Variants in FGF12 observed in about 807,000 individuals in gnomAD.
FGF12 encodes the protein fibroblast growth factor 12.
Under a neutral mutation model 23.6 loss-of-function variants are expected in FGF12, and 14 were observed. That is an observed-to-expected ratio of 0.59 (90% CI 0.39 to 0.93). FGF12 has a LOEUF of 0.93. Among genes scored for constraint, FGF12 ranks in the 40% least tolerant of loss-of-function variants. The pLI is 0.00. For synonymous variants in FGF12, 62 were observed against 77.3 expected (o/e 0.80, Z 1.04); for missense variants, 175 against 217.8 (o/e 0.80, Z 1.24).
intron 4 of FGF12, 73 bp from the exon 5 acceptor site, chr3:192,170,729 A>G (rs1715511064): frequency 7.8e-7 from 1 of 1,288,792 alleles, no homozygotes; most frequent in South Asian, 1.4e-5. Flanking sequence ...CTTAAATCCA[A>G]TAAGCTTGAA....
In FGF12 at chr3:192,360,796, C is replaced by A. The variant is rs1005198055; in HGVS notation, c.14-258G>T. 6.5e-6 allele frequency: 3 copies of A among 460,362 alleles called. No homozygotes were observed. The highest frequency in any genetic ancestry group is 1.2e-5 in the Non-Finnish European group (3 of 253,646). The allele number at this position is 460,362 out of a possible 1,614,324, so 28.5% of individuals were successfully genotyped here. A position where few individuals can be genotyped will look rare whatever the true frequency, so the allele number is the denominator to read the frequency against. Reference sequence around the variant, plus strand: ...ATGATTGGGAAAATACAGAGACATGCTAAAAAGTGAGTTATTTTCCTCCTT... The same window carrying A: ...ATGATTGGGAAAATACAGAGACATGATAAAAAGTGAGTTATTTTCCTCCTT... On this transcript the variant is annotated intron_variant, in intron 2 of 5. Coordinates refer to ENST00000445105, the MANE Select transcript of FGF12 (RefSeq NM_004113.6). The surrounding 1 kb of genome is among the most constrained non-coding windows in gnomAD (Gnocchi z 4.3).
intron 4 of FGF12, among the ~76,000 whole-genome samples, chr3:192,321,990 A>C (rs1577351746): frequency 6.6e-6 from 1 of 152,280 alleles, no homozygotes; most frequent in Middle Eastern, 3.4e-3. Flanking sequence ...AAGAGAAAGA[A>C]ATAAAAAGCA....
chr3:192,571,121 T>C (rs1712616352), intron 2 of FGF12, among the ~76,000 whole-genome samples: 2 of 152,220 alleles, frequency 1.3e-5, no homozygotes. Context: ...ATAAACATCT[T>C]CCATTAAACT....
At chr3:192,278,254 T>C (rs957400878) in intron 4 of FGF12, among the ~76,000 whole-genome samples, 14 of 152,170 alleles carry the variant, frequency 9.2e-5, no homozygotes, top group East Asian at 3.8e-4. Context: ...CCAGAAAATA[T>C]AGAAATCTGA....
chr3:192,333,340 C>A (rs1247124631), intron 4 of FGF12, among the ~76,000 whole-genome samples: 1 of 152,018 alleles, frequency 6.6e-6, no homozygotes, highest in African/African-American at 2.4e-5. Flanking sequence ...ATATAGTCTA[C>A]ATTTAGCTGC....
intron 4 of FGF12, among the ~76,000 whole-genome samples, chr3:192,306,125 T>G (rs1715638298): frequency 6.6e-6 from 1 of 152,100 alleles, no homozygotes; most frequent in African/African-American, 2.4e-5. Context: ...GGTTTTTATG[T>G]GGATCCAGTG....
At chr3:192,501,352 AT>A (rs1270342742) in intron 2 of FGF12, among the ~76,000 whole-genome samples, 2 of 152,206 alleles carry the variant, frequency 1.3e-5, no homozygotes, top group Non-Finnish European at 2.9e-5. Flanking sequence ...TTTTAGGTGT[AT>A]TGGTGTTTGT....
At chr3:192,630,394 T>G (rs1218508160) in intron 2 of FGF12, among the ~76,000 whole-genome samples, 6 of 151,980 alleles carry the variant, frequency 3.9e-5, no homozygotes, top group East Asian at 3.9e-4. Flanking sequence ...ATTATTAATA[T>G]AGAGAAATGC....
rs34906808 is a variant in FGF12, at chr3:192,653,720, C to CTTTTTTTTT, written c.13+73452_13+73460dup. ...TTCAATATATATTCCTCATTTGAGG[C>CTTTTTTTTT]TTTTTTTTTTTTGAGACGGAATCAT... On this transcript the variant is annotated intron_variant, in intron 2 of 5. Coordinates refer to ENST00000445105, the MANE Select transcript of FGF12 (RefSeq NM_004113.6). Among the ~76,000 whole-genome samples the CTTTTTTTTT allele has an allele frequency of 1.3e-3, 187 of 140,872 alleles. 2 individuals carry two copies. Among genetic ancestry groups the CTTTTTTTTT allele is most frequent in the African/African-American group, 3.7e-3 (142 of 38,044 alleles). 92.4% of individuals were successfully genotyped at this position (140,872 alleles called of 152,430 possible). A position where few individuals can be genotyped will look rare whatever the true frequency, so the allele number is the denominator to read the frequency against.
At chr3:192,723,106 T>C (rs1719091869) in intron 2 of FGF12, among the ~76,000 whole-genome samples, 1 of 152,108 alleles carries the variant, frequency 6.6e-6, no homozygotes, top group African/African-American at 2.4e-5. Flanking sequence ...TCAAATATCA[T>C]CACATTACCA....
At chr3:192,167,730 G>GATATATATATATATAT (rs1715248649) in intron 5 of FGF12, among the ~76,000 whole-genome samples, 2 of 33,686 alleles carry the variant, frequency 5.9e-5, no homozygotes, top group African/African-American at 3.4e-4. Context: ...GTAGGTTATA[G>GATATATATATATATAT]GTATATATAT....
In FGF12 at chr3:192,185,363, C is replaced by T. The variant is rs117186199; in HGVS notation, c.229-14707G>A. Among the ~76,000 whole-genome samples the T allele has an allele frequency of 3.3e-3, 504 of 152,262 alleles. 8 individuals are homozygous for T. The highest frequency in any genetic ancestry group is 0.031 in the East Asian group (163 of 5,180). ...TCCTCCATAACTGTTTGTAAATGAG[C>T]TAATGAATGGAGGAGTCTAGCCTGT... On this transcript the variant is annotated intron_variant, in intron 4 of 5. Coordinates refer to ENST00000445105, the MANE Select transcript of FGF12 (RefSeq NM_004113.6).
intron 4 of FGF12, among the ~76,000 whole-genome samples, chr3:192,175,979 CT>C (rs538349873): frequency 7.2e-5 from 11 of 152,324 alleles, no homozygotes; most frequent in African/African-American, 2.6e-4. Flanking sequence ...GTCCTTTCCT[CT>C]CTAGTCAGCC....
At chr3:192,669,602 T>TAAAAAAAAAAAAAAAAAAAAAAAAAAA (rs59897483) in intron 2 of FGF12, among the ~76,000 whole-genome samples, 1 of 59,526 alleles carries the variant, frequency 1.7e-5, no homozygotes, top group Non-Finnish European at 3.1e-5. Flanking sequence ...GACTCTGTCT[T>TAAAAAAAAAAAAAAAAAAAAAAAAAAA]AAAAAAAAAA....
chr3:192,167,769 AAAATTTTT>A lies in FGF12; in HGVS notation c.427+2681_427+2688del, dbSNP rs1271593461. On this transcript the variant is annotated intron_variant, in intron 5 of 5. Coordinates refer to ENST00000445105, the MANE Select transcript of FGF12 (RefSeq NM_004113.6). ...TATATATATATATATATATATATATAAAATTTTTTTTTTTTTTTTTTTTTGAGAAAGAA... is the reference window on the plus strand; with the variant it reads ...TATATATATATATATATATATATATATTTTTTTTTTTTTTTTGAGAAAGAA... Among the ~76,000 whole-genome samples the A allele has an allele frequency of 2.3e-3, 90 of 38,860 alleles. 6 individuals carry two copies. The highest frequency in any genetic ancestry group is 0.028 in the Middle Eastern group (1 of 36). 25.5% of individuals were successfully genotyped at this position (38,860 alleles called of 152,430 possible).
intron 2 of FGF12, among the ~76,000 whole-genome samples, chr3:192,632,329 A>T (rs1236510302): frequency 6.6e-6 from 1 of 152,214 alleles, no homozygotes; most frequent in Non-Finnish European, 1.5e-5. Context: ...CTGTAGAGAA[A>T]AAGAAATGAT....
chr3:192,697,431 A>G (rs1224871686), intron 2 of FGF12, among the ~76,000 whole-genome samples: 1 of 152,198 alleles, frequency 6.6e-6, no homozygotes. Context: ...AATTATTGAT[A>G]CTGTCCCAAA....
chr3:192,513,777 C>T (rs1392619752), intron 2 of FGF12, among the ~76,000 whole-genome samples: 1 of 152,104 alleles, frequency 6.6e-6, no homozygotes, highest in African/African-American at 2.4e-5. Context: ...TGTTCTCTTC[C>T]CACACCCCAC....
At chr3:192,403,547 G>GTTT (rs11424277) in intron 2 of FGF12, among the ~76,000 whole-genome samples, 31 of 146,236 alleles carry the variant, frequency 2.1e-4, no homozygotes, top group African/African-American at 5.7e-4. Flanking sequence ...GGGTCTTACT[G>GTTT]TTTTTTTTTT....
Sources: allele counts gnomAD v4.1 joint callset (sites outside exome capture counted in the v4.1 genomes callset), GRCh38; gene constraint gnomAD v4.1.1; non-coding constraint Gnocchi (gnomAD v3.1); transcripts MANE v1.5; gene names NCBI Gene and HGNC (gene_info 2026-07-23, HGNC 2026-07-21).